ANO3: variants seen among roughly 807,000 people sequenced by gnomAD.
ANO3 encodes anoctamin 3.
Under a neutral mutation model 144.8 loss-of-function variants are expected in ANO3, and 99 were observed. That is an observed-to-expected ratio of 0.68 (90% CI 0.58 to 0.81). The LOEUF is 0.81. Among genes scored for constraint, ANO3 ranks in the 30% least tolerant of loss-of-function variants. The pLI is 0.00. For missense variants in ANO3, 905 were observed against 1,202.2 expected (o/e 0.75, Z 3.66); for synonymous variants, 414 against 392.6 (o/e 1.05, Z -0.64).
chr11:26,500,129 G>T (rs1175286252), intron 4 of ANO3, among the ~76,000 whole-genome samples: 1 of 152,002 alleles, frequency 6.6e-6, no homozygotes, highest in Non-Finnish European at 1.5e-5. Flanking sequence ...GTTGTAGCAT[G>T]TGTTAACATT....
intron 1 of ANO3, among the ~76,000 whole-genome samples, chr11:26,211,542 A>G (rs1055091088): frequency 2.6e-5 from 4 of 152,226 alleles, no homozygotes; most frequent in Non-Finnish European, 4.4e-5. Flanking sequence ...AATGGCAATC[A>G]TTAAAACATC....
At chr11:26,268,951 T>C (rs1050137906) in intron 1 of ANO3, among the ~76,000 whole-genome samples, 1 of 152,130 alleles carries the variant, frequency 6.6e-6, no homozygotes, top group Admixed American at 6.5e-5. Flanking sequence ...AAATATGACT[T>C]TCCCTAAAAC....
rs142329911 is a variant in ANO3, at chr11:26,583,513, G to T, written c.1448-14852G>T. Reference sequence around the variant, plus strand: ...TCGGTCCAAATGTTCAAAATCTGCCGCTGCACACATATTTACAGGCTCTTC... The same window carrying T: ...TCGGTCCAAATGTTCAAAATCTGCCTCTGCACACATATTTACAGGCTCTTC... On this transcript the variant is annotated intron_variant, in intron 14 of 26. Transcript: ENST00000256737. Among the ~76,000 whole-genome samples, 970 of 152,162 alleles carry T rather than the reference G, an allele frequency of 6.4e-3. 7 individuals are homozygous for T. The highest frequency in any genetic ancestry group is 1.0e-2 in the Non-Finnish European group (678 of 68,014).
intron 1 of ANO3, among the ~76,000 whole-genome samples, chr11:26,283,317 A>T (rs866232668): frequency 2.6e-5 from 2 of 77,584 alleles, no homozygotes; most frequent in South Asian, 6.0e-4. Context: ...TAAACAAATA[A>T]ATAAATATAT....
At chr11:26,328,390 CA>C (rs1854944961), upstream of ANO3, among the ~76,000 whole-genome samples, 1 of 152,072 alleles carries the variant, frequency 6.6e-6, no homozygotes, top group Non-Finnish European at 1.5e-5. Context: ...ACTGCTTTTC[CA>C]TTTCTGTTAC....
intron 5 of ANO3, among the ~76,000 whole-genome samples, chr11:26,516,583 A>G (rs554272467): frequency 9.9e-5 from 15 of 151,964 alleles, no homozygotes; most frequent in Non-Finnish European, 1.6e-4. Context: ...GTTGAAAATC[A>G]TCAATGTAAG....
intron 1 of ANO3, chr11:26,309,764 T>C: frequency 1.1e-6 from 1 of 933,304 alleles, no homozygotes; most frequent in Non-Finnish European, 1.3e-6. Context: ...CCAACTCTGT[T>C]CTTCAATATA....
Position 26,660,536 on chromosome 11 carries a change from C to T in ANO3, c.*92C>T, listed in dbSNP as rs953222858. 7 of 1,166,686 alleles carry T rather than the reference C, an allele frequency of 6.0e-6. No individual in the cohort carries two copies. The Admixed American group carries it at 7.2e-5, about 12-fold the overall frequency. The allele number at this position is 1,166,686 out of a possible 1,614,324, so 72.3% of individuals were successfully genotyped here. ...AGGTGAAATCTAGGAGGAAGGCATA[C>T]TTGGCAAACCACATGTATAATATGC... On this transcript the variant is annotated 3_prime_UTR_variant, in exon 27 of 27. Coordinates refer to ENST00000256737, the MANE Select transcript of ANO3 (RefSeq NM_031418.4).
chr11:26,406,675 CAGTGTGTG>C (rs1466679934), intron 1 of ANO3, among the ~76,000 whole-genome samples: 1 of 102,512 alleles, frequency 9.8e-6, no homozygotes, highest in East Asian at 2.9e-4. Context: ...TAATCTATGG[CAGTGTGTG>C]TGTGTGTGTG....
At chr11:26,480,825 A>G (rs1860186714) in intron 4 of ANO3, among the ~76,000 whole-genome samples, 2 of 152,000 alleles carry the variant, frequency 1.3e-5, no homozygotes, top group African/African-American at 4.8e-5. Flanking sequence ...ATATAAATAA[A>G]TAAATAAATA....
intron 1 of ANO3, among the ~76,000 whole-genome samples, chr11:26,199,062 C>T (rs1851642354): frequency 1.3e-5 from 2 of 151,882 alleles, no homozygotes; most frequent in Admixed American, 6.6e-5. Flanking sequence ...TGGCCAGTAG[C>T]CTTGATAGTT....
intron 13 of ANO3, chr11:26,559,091 A>C (rs545439846): frequency 6.6e-6 from 1 of 152,340 alleles, no homozygotes; most frequent in East Asian, 1.9e-4. Context: ...TTGATTCAAT[A>C]ACATTATAAA....
intron 18 of ANO3, among the ~76,000 whole-genome samples, chr11:26,629,251 A>G (rs1316124935): frequency 2.0e-5 from 3 of 152,124 alleles, no homozygotes; most frequent in Non-Finnish European, 1.5e-5. Context: ...ACCATTTAGA[A>G]TGATTTCTCC....
chr11:26,486,283 C>T (rs1860443562), intron 4 of ANO3, among the ~76,000 whole-genome samples: 1 of 146,412 alleles, frequency 6.8e-6, no homozygotes, highest in Admixed American at 7.1e-5. Context: ...CTCACTTGAA[C>T]CTGGGAGGCG....
At chr11:26,355,011 C>CTTTT (rs5790571) in intron 1 of ANO3, among the ~76,000 whole-genome samples, 1 of 148,342 alleles carries the variant, frequency 6.7e-6, no homozygotes. Flanking sequence ...AATTGTAACT[C>CTTTT]TTTTTTTTTT....
At chr11:26,650,788 G>T (rs918954219) in intron 24 of ANO3, among the ~76,000 whole-genome samples, 1 of 152,060 alleles carries the variant, frequency 6.6e-6, no homozygotes, top group Non-Finnish European at 1.5e-5. Flanking sequence ...AAGCGTAATG[G>T]TCGTCTCAAA....
At chr11:26,254,090 G>T (rs182395630) in intron 1 of ANO3, among the ~76,000 whole-genome samples, 15 of 152,220 alleles carry the variant, frequency 9.9e-5, no homozygotes, top group Admixed American at 8.5e-4. Context: ...TCAGCCATGT[G>T]GAACAAATTT....
chr11:26,533,166 A>T (rs1849416644), intron 8 of ANO3, among the ~76,000 whole-genome samples: 1 of 152,222 alleles, frequency 6.6e-6, no homozygotes, highest in Non-Finnish European at 1.5e-5. Flanking sequence ...GTATTAAGAA[A>T]GACAGAAATA....
Position 26,573,018 on chromosome 11 carries a change from A to T in ANO3, c.1447+13239A>T, listed in dbSNP as rs140583814. Among the ~76,000 whole-genome samples, 61 of 152,302 alleles carry T rather than the reference A, an allele frequency of 4.0e-4. 2 individuals carry two copies. The East Asian group carries it at 0.012, about 29-fold the overall frequency. Reference sequence around the variant, plus strand: ...CTTCCTACACTTCCTTTCAGAGCTTATGAAAGGGAGAAGAGTGAAACTGGG... The same window carrying T: ...CTTCCTACACTTCCTTTCAGAGCTTTTGAAAGGGAGAAGAGTGAAACTGGG... On this transcript the variant is annotated intron_variant, in intron 14 of 26. Transcript: ENST00000256737.
Sources: gnomAD v4.1 joint callset for allele counts (sites outside exome capture counted in the v4.1 genomes callset) on GRCh38, gnomAD v4.1.1 for gene constraint, MANE v1.5 for transcripts, NCBI Gene and HGNC (gene_info 2026-07-23, HGNC 2026-07-21) for gene names.